Variants in UNC13B observed in about 807,000 individuals in gnomAD.
The protein encoded by UNC13B is protein unc-13 homolog B.
A neutral mutation model predicts 211.0 loss-of-function variants in UNC13B; 144 were observed. That is an observed-to-expected ratio of 0.68 (90% confidence interval 0.60 to 0.78). The LOEUF is 0.78. Ranked by LOEUF, UNC13B falls within the 30% of genes least tolerant of loss-of-function variation. UNC13B has a pLI of 0.00. For missense variants in UNC13B, 1,777 were observed against 2,002.0 expected, an observed-to-expected ratio of 0.89 and a Z score of 2.14; for synonymous variants, 709 against 725.8, an observed-to-expected ratio of 0.98 and a Z score of 0.37.
At chr9:35,356,375 A>G (rs776974479) in intron 11 of UNC13B, among the ~76,000 whole-genome samples, 41 of 152,200 alleles carry the variant, frequency 2.7e-4, no homozygotes, top group Admixed American at 5.2e-4. Flanking sequence ...GTTAGTTTTC[A>G]TCTTTTTTTT....
chr9:35,302,564 C>T lies in UNC13B; in HGVS notation c.3160C>T (p.Leu1054=), dbSNP rs757690758. 10 of 398,402 alleles carry T rather than the reference C, an allele frequency of 2.5e-5. No homozygotes were observed. Among genetic ancestry groups the T allele is most frequent in the Non-Finnish European group, 3.5e-5 (8 of 225,750 alleles). The allele number at this position is 398,402 out of a possible 1,614,324, so 24.7% of individuals were successfully genotyped here. A position where few individuals can be genotyped will look rare whatever the true frequency, so the allele number is the denominator to read the frequency against. The stretch of plus-strand genomic sequence containing the variant: ...TTCAGTTACAAATATTAATAATGAT[C>T]TGGGGAAATTTGGGAATATAGAGGA... The part of the protein sequence containing the change: ...SDSVTNINND[L]GKFGNIEELN... The change falls in exon 9 of 40, where the codon CTG becomes TTG. Residue 1054 remains leucine (L), a synonymous_variant. Transcript: ENST00000635942.
intron 11 of UNC13B, chr9:35,352,304 G>A: frequency 8.1e-7 from 1 of 1,232,086 alleles, no homozygotes; most frequent in Non-Finnish European, 1.0e-6. Flanking sequence ...CATTAAAAAG[G>A]CTTACAGGGC....
Position 35,204,776 on chromosome 9 carries a change from G to T in UNC13B, c.23-23239G>T, listed in dbSNP as rs60908306. On this transcript the variant is annotated intron_variant, in intron 1 of 39. Coordinates refer to ENST00000635942, the MANE Select transcript of UNC13B (RefSeq NM_001371189.2). ...GATTTTACAGTCTCATAGCTGGAAG[G>T]GGCTTGCCTTGTCTCAGATGTCACT... is the stretch of plus-strand genomic sequence containing the variant. 6.3e-3 allele frequency among the ~76,000 whole-genome samples: 960 copies of T among 152,264 alleles called. 27 individuals are homozygous for T. In the East Asian group the frequency reaches 0.079, roughly 13 times the overall value.
intron 20 of UNC13B, 93 bp from the exon 21 acceptor site, chr9:35,382,264 G>A: frequency 2.6e-6 from 4 of 1,512,144 alleles, no homozygotes; most frequent in Non-Finnish European, 3.6e-6. Context: ...CCCTGGCTGT[G>A]CTTCATTTAT....
intron 32 of UNC13B, 23 bp from the exon 33 acceptor site, chr9:35,398,859 C>A: frequency 6.2e-7 from 1 of 1,606,488 alleles, no homozygotes; most frequent in Non-Finnish European, 8.5e-7. Flanking sequence ...GAGGGAAAGG[C>A]TACACTGCGG....
intron 1 of UNC13B, among the ~76,000 whole-genome samples, chr9:35,183,123 AGACGGGGT>A (rs2131306226): frequency 1.4e-5 from 2 of 139,642 alleles, no homozygotes; most frequent in East Asian, 4.3e-4. Flanking sequence ...CTCACCTCCC[AGACGGGGT>A]GGCCGGGCAG....
intron 11 of UNC13B, among the ~76,000 whole-genome samples, chr9:35,356,275 C>T (rs771614060): frequency 6.6e-5 from 10 of 152,142 alleles, no homozygotes; most frequent in Non-Finnish European, 1.3e-4. Flanking sequence ...ACCAGCATAA[C>T]GAAGCTTTTG....
At position 35,168,703 on chromosome 9, in the gene UNC13B, CT is replaced by C. The variant is rs34612376; in HGVS notation, c.22+6414del. On this transcript the variant is annotated intron_variant, in intron 1 of 39. Transcript: ENST00000635942. ...TTTCCATATGAACATGTATTACTTG[CT>C]TTTTTTTTTTTTTTTGATACAGGGT... Among the ~76,000 whole-genome samples, 371 of 135,782 alleles carry C rather than the reference CT, an allele frequency of 2.7e-3. 1 individual carries two copies. The highest frequency in any genetic ancestry group is 6.6e-3 in the South Asian group (28 of 4,224). 89.1% of individuals were successfully genotyped at this position (135,782 alleles called of 152,430 possible). A position where few individuals can be genotyped will look rare whatever the true frequency, so the allele number is the denominator to read the frequency against.
At chr9:35,387,617 A>G (rs1835270028) in intron 24 of UNC13B, among the ~76,000 whole-genome samples, 1 of 152,166 alleles carries the variant, frequency 6.6e-6, no homozygotes, top group African/African-American at 2.4e-5. Context: ...TTTGTATTTT[A>G]GTATCTGCTT....
chr9:35,329,023 G>A (rs1831216145), intron 11 of UNC13B, among the ~76,000 whole-genome samples: 1 of 151,840 alleles, frequency 6.6e-6, no homozygotes, highest in Middle Eastern at 3.4e-3. Flanking sequence ...CGCCCACCTC[G>A]GCCTCCCAAA....
At chr9:35,400,091 T>C (rs1409457730) in intron 36 of UNC13B, among the ~76,000 whole-genome samples, 1 of 152,184 alleles carries the variant, frequency 6.6e-6, no homozygotes, top group Non-Finnish European at 1.5e-5. Flanking sequence ...CTTCAAACAC[T>C]GCCGTACCTC....
At chr9:35,202,706 A>C (rs1321329449) in intron 1 of UNC13B, among the ~76,000 whole-genome samples, 1 of 150,342 alleles carries the variant, frequency 6.7e-6, no homozygotes, top group Non-Finnish European at 1.5e-5. Context: ...TGCTTGGTAG[A>C]TCTTCCTCCA....
At chr9:35,368,158 C>A (rs1487062395) in intron 12 of UNC13B, among the ~76,000 whole-genome samples, 1 of 152,128 alleles carries the variant, frequency 6.6e-6, no homozygotes. Flanking sequence ...CAGATTATTT[C>A]ATCACCCAAG....
chr9:35,377,882 C>T (rs1055815005), intron 16 of UNC13B, among the ~76,000 whole-genome samples, 187 bp downstream of exon 16: 1 of 152,136 alleles, frequency 6.6e-6, no homozygotes, highest in Non-Finnish European at 1.5e-5. Flanking sequence ...GGCAAGATTG[C>T]TATCTGCAAA....
chr9:35,364,663 G>T, intron 11 of UNC13B: 1 of 1,210,700 alleles, frequency 8.3e-7, no homozygotes, highest in Admixed American at 2.3e-5. Flanking sequence ...GTGTGTGTGT[G>T]TACATGCACA....
At chr9:35,292,923 G>A (rs1434759610) in intron 7 of UNC13B, among the ~76,000 whole-genome samples, 2 of 152,188 alleles carry the variant, frequency 1.3e-5, no homozygotes, top group Non-Finnish European at 1.5e-5. Flanking sequence ...AGATTATGGA[G>A]GCAGTAAGAG....
chr9:35,169,440 G>A lies in UNC13B; in HGVS notation c.22+7135G>A, dbSNP rs964961480. ...TAGGGAAAGTCCAAAAATATATTTC[G>A]GTTTACAGCCATTGTGGAAAGTAGG... On this transcript the variant is annotated intron_variant, in intron 1 of 39. Coordinates refer to ENST00000635942, the MANE Select transcript of UNC13B (RefSeq NM_001371189.2). Among the ~76,000 whole-genome samples the A allele has an allele frequency of 3.9e-5, 6 of 152,116 alleles. No homozygotes were observed. In the East Asian group the frequency reaches 1.2e-3, roughly 29 times the overall value.
At chr9:35,181,034 G>C (rs1375998413) in intron 1 of UNC13B, among the ~76,000 whole-genome samples, 1 of 152,050 alleles carries the variant, frequency 6.6e-6, no homozygotes, top group Non-Finnish European at 1.5e-5. Flanking sequence ...GGAAGTGAAG[G>C]CTACACTGAG....
At position 35,353,181 on chromosome 9, in the gene UNC13B, C is replaced by T. The variant is rs1049292547; in HGVS notation, c.9415-13766C>T. The T allele has an allele frequency of 4.1e-6, 5 of 1,231,982 alleles. No homozygotes were observed. In the African/African-American group the frequency reaches 7.8e-5, roughly 19 times the overall value. 76.3% of individuals were successfully genotyped at this position (1,231,982 alleles called of 1,614,324 possible). A position where few individuals can be genotyped will look rare whatever the true frequency, so the allele number is the denominator to read the frequency against. ...CTGAATGAAGAGGAGGAATGTGCTGCTCACGTCCTCAAGGATGTCTTTGAC... is the reference window on the plus strand; with the variant it reads ...CTGAATGAAGAGGAGGAATGTGCTGTTCACGTCCTCAAGGATGTCTTTGAC... On this transcript the variant is annotated intron_variant, in intron 11 of 39. Transcript: ENST00000635942.
Sources: allele counts gnomAD v4.1 joint callset (sites outside exome capture counted in the v4.1 genomes callset), GRCh38; gene constraint gnomAD v4.1.1; transcripts MANE v1.5; gene names NCBI Gene and HGNC (gene_info 2026-07-23, HGNC 2026-07-21).